The following STK38L variants were observed in gnomAD, a reference collection of about 807,000 sequenced individuals.
STK38L encodes the protein serine/threonine-protein kinase 38-like.
A neutral mutation model predicts 59.7 loss-of-function variants in STK38L; 28 were observed. The observed-to-expected ratio is 0.47, with a 90% CI of 0.35 to 0.64. The LOEUF is 0.64. Ranked by LOEUF, STK38L falls within the 30% of genes least tolerant of loss-of-function variation. The pLI is 0.01. For synonymous variants in STK38L, 162 were observed against 176.8 expected, an observed-to-expected ratio of 0.92 and a Z score of 0.66; for missense variants, 314 against 555.8, an observed-to-expected ratio of 0.56 and a Z score of 4.37.
At chr12:27,289,862 T>C (rs1943857688) in intron 1 of STK38L, among the ~76,000 whole-genome samples, 1 of 152,224 alleles carries the variant, frequency 6.6e-6, no homozygotes, top group Non-Finnish European at 1.5e-5. Context: ...TTTTTTTACT[T>C]TAAATATTTC....
intron 1 of STK38L, among the ~76,000 whole-genome samples, chr12:27,284,208 A>G (rs1369746097): frequency 6.6e-6 from 1 of 152,164 alleles, no homozygotes; most frequent in Non-Finnish European, 1.5e-5. Flanking sequence ...GCTGGCTATC[A>G]GTGTTCTGAT....
chr12:27,245,238 C>G (rs564014965), intron 1 of STK38L, among the ~76,000 whole-genome samples: 2 of 152,312 alleles, frequency 1.3e-5, no homozygotes, highest in Admixed American at 1.3e-4. Context: ...TTGTTTCTCA[C>G]TTGATAAAAT....
At chr12:27,317,647 T>G in intron 10 of STK38L, 194 bp downstream of exon 10, 1 of 710,156 alleles carries the variant, frequency 1.4e-6, no homozygotes, top group East Asian at 2.7e-5. Context: ...AGGTGGGTAT[T>G]TAACCCAAAC....
intron 1 of STK38L, among the ~76,000 whole-genome samples, chr12:27,296,207 T>C (rs1257920314): frequency 6.6e-6 from 1 of 152,232 alleles, no homozygotes; most frequent in African/African-American, 2.4e-5. Context: ...TATATAACCA[T>C]ACTCAGTGTA....
At chr12:27,320,824 C>G (rs953697117) in intron 12 of STK38L, among the ~76,000 whole-genome samples, 1 of 150,432 alleles carries the variant, frequency 6.6e-6, no homozygotes, top group African/African-American at 2.5e-5. Context: ...CTCTGTCGCC[C>G]AGGCTGGAGT....
At chr12:27,315,150 T>G in intron 8 of STK38L, 33 bp downstream of exon 8, 1 of 1,594,318 alleles carries the variant, frequency 6.3e-7, no homozygotes, top group Non-Finnish European at 8.6e-7. Flanking sequence ...TTCTTTCCCC[T>G]GGTTAAGATA....
intron 1 of STK38L, among the ~76,000 whole-genome samples, chr12:27,247,270 A>G (rs1199854518): frequency 2.0e-5 from 3 of 152,184 alleles, no homozygotes; most frequent in Non-Finnish European, 4.4e-5. Flanking sequence ...TTAGATAGCT[A>G]TTGAGTGGTA....
chr12:27,253,357 C>A (rs1024681614), intron 1 of STK38L, among the ~76,000 whole-genome samples: 7 of 152,034 alleles, frequency 4.6e-5, no homozygotes, highest in African/African-American at 1.7e-4. Context: ...AATGGGAAGA[C>A]CAGTGAAGAG....
At chr12:27,260,298 T>G (rs1943177967) in intron 1 of STK38L, among the ~76,000 whole-genome samples, 1 of 152,238 alleles carries the variant, frequency 6.6e-6, no homozygotes, top group Non-Finnish European at 1.5e-5. Flanking sequence ...AATTTATAAT[T>G]TACTTCCAAC....
intron 1 of STK38L, among the ~76,000 whole-genome samples, chr12:27,282,235 T>G (rs1159289187): frequency 6.6e-6 from 1 of 152,240 alleles, no homozygotes; most frequent in Non-Finnish European, 1.5e-5. Flanking sequence ...TATAGGAAAG[T>G]GTCTACTTCT....
chr12:27,260,590 G>A (rs1041271877), intron 1 of STK38L, among the ~76,000 whole-genome samples: 1 of 152,066 alleles, frequency 6.6e-6, no homozygotes, highest in Non-Finnish European at 1.5e-5. Flanking sequence ...GTTTCTTACT[G>A]CATACCTCTG....
At chr12:27,245,428 T>G (rs1942828521) in intron 1 of STK38L, among the ~76,000 whole-genome samples, 3 of 152,198 alleles carry the variant, frequency 2.0e-5, no homozygotes. Context: ...CTTGTCTTTT[T>G]TGGCGCTGGG....
intron 1 of STK38L, among the ~76,000 whole-genome samples, chr12:27,287,961 CA>C (rs1943811591): frequency 6.6e-6 from 1 of 152,236 alleles, no homozygotes; most frequent in Admixed American, 6.5e-5. Context: ...TGGCTCACTG[CA>C]ACCTCTGCCT....
At chr12:27,293,129 G>A (rs1223160554) in intron 1 of STK38L, among the ~76,000 whole-genome samples, 1 of 152,012 alleles carries the variant, frequency 6.6e-6, no homozygotes, top group African/African-American at 2.4e-5. Context: ...ATTTTTATAC[G>A]GTTAATGCAG....
At chr12:27,246,235 T>C (rs1942849077) in intron 1 of STK38L, among the ~76,000 whole-genome samples, 1 of 152,194 alleles carries the variant, frequency 6.6e-6, no homozygotes, top group Non-Finnish European at 1.5e-5. Context: ...TTCTGTTCTC[T>C]TAAAGTAAGG....
intron 1 of STK38L, among the ~76,000 whole-genome samples, chr12:27,280,272 G>A (rs1943625412): frequency 6.6e-6 from 1 of 152,094 alleles, no homozygotes; most frequent in African/African-American, 2.4e-5. Context: ...AAGAACTTTT[G>A]ATTATGCAAT....
Position 27,254,924 on chromosome 12 carries a change from C to T in STK38L, c.-12+10592C>T, listed in dbSNP as rs142223481. Among the ~76,000 whole-genome samples, 59 of 152,286 alleles carry T rather than the reference C, an allele frequency of 3.9e-4. 1 individual carries two copies. In the East Asian group the frequency reaches 0.01, roughly 26 times the overall value. The stretch of plus-strand genomic sequence containing the variant: ...TAAGTTGAACTCCCAGCAGTCCTGT[C>T]TGAAAATACTCTGGTTGTATTTTTA... On this transcript the variant is annotated intron_variant, in intron 1 of 13. Coordinates refer to ENST00000389032, the MANE Select transcript of STK38L (RefSeq NM_015000.4).
intron 1 of STK38L, among the ~76,000 whole-genome samples, chr12:27,264,015 G>A (rs1001468981): frequency 2.6e-5 from 4 of 152,214 alleles, no homozygotes; most frequent in African/African-American, 7.2e-5. Flanking sequence ...TATTCCAAGG[G>A]TTAGTGGTGA....
chr12:27,289,810 C>T (rs1943856315), intron 1 of STK38L, among the ~76,000 whole-genome samples: 1 of 152,220 alleles, frequency 6.6e-6, no homozygotes, highest in South Asian at 2.1e-4. Flanking sequence ...AGTTCTACCC[C>T]AAATCACTAC....
Sources: gnomAD v4.1 joint callset for allele counts (sites outside exome capture counted in the v4.1 genomes callset) on GRCh38, gnomAD v4.1.1 for gene constraint, MANE v1.5 for transcripts, NCBI Gene and HGNC (gene_info 2026-07-23, HGNC 2026-07-21) for gene names.